The following ACOX3 variants were observed in gnomAD, a reference collection of about 807,000 sequenced individuals.
The protein encoded by ACOX3 is peroxisomal acyl-coenzyme A oxidase 3.
In ACOX3, 73 loss-of-function variants were observed where a neutral mutation model predicts 81.5. The observed-to-expected ratio is 0.90, with a 90% confidence interval of 0.74 to 1.09. The LOEUF is 1.09. Among genes scored for constraint, ACOX3 ranks in the 50% least tolerant of loss-of-function variants. The probability of loss-of-function intolerance (pLI) is 0.00; values close to 1 mark genes in which losing one functional copy is unlikely to be tolerated. For synonymous variants in ACOX3, 387 were observed against 375.1 expected (o/e 1.03, Z -0.37); for missense variants, 947 against 928.0 (o/e 1.02, Z -0.27).
At chr4:8,413,633 C>T (rs966075647) in intron 5 of ACOX3, among the ~76,000 whole-genome samples, 25 of 150,022 alleles carry the variant, frequency 1.7e-4, no homozygotes, top group Non-Finnish European at 3.4e-4. Context: ...CATCTCCCTC[C>T]ACCCCTCCAC....
Position 8,399,732 on chromosome 4 carries a change from C to T in ACOX3, c.777-80G>A. 1 of 1,259,820 alleles carries T rather than the reference C, an allele frequency of 7.9e-7. No homozygotes were observed. Among genetic ancestry groups the T allele is most frequent in the South Asian group, 1.2e-5 (1 of 80,960 alleles). The allele number at this position is 1,259,820 out of a possible 1,614,324, so 78.0% of individuals were successfully genotyped here. On this transcript the variant is annotated intron_variant, in intron 7 of 17. Coordinates refer to ENST00000356406, the MANE Select transcript of ACOX3 (RefSeq NM_003501.3). This position sits in a 1 kb window ranked among gnomAD's most constrained non-coding sequence, Gnocchi z 4.9. ...CTCTTCTCCAAGGGCAGCCTAAAAG[C>T]TGATGCAATCCCCGAGGACAAAGAA...
In ACOX3 at chr4:8,416,430, C is replaced by A. The variant is rs759287029; in HGVS notation, c.92G>T (p.Ser31Ile). ...LDAYRARASF[S>I]WKELALFTEG... ...CGTGAACAGCGCCAGCTCCTTCCAG[C>A]TGAAGGACGCTCTTGCTCGGTAGGC... Residue 31 changes from serine to isoleucine, a missense_variant, in exon 2 of 18, where the codon AGC (serine) becomes ATC (isoleucine). Coordinates refer to ENST00000356406, the MANE Select transcript of ACOX3 (RefSeq NM_003501.3). This position sits in a 1 kb window ranked among gnomAD's most constrained non-coding sequence, Gnocchi z 4.2. 1.9e-6 allele frequency: 3 copies of A among 1,614,100 alleles called. No individual in the cohort carries two copies. The Admixed American group carries it at 5.0e-5, about 27-fold the overall frequency.
chr4:8,390,200 G>A (rs985651787), intron 11 of ACOX3, among the ~76,000 whole-genome samples: 1 of 152,130 alleles, frequency 6.6e-6, no homozygotes, highest in Admixed American at 6.5e-5. Context: ...AAATTAGCTG[G>A]GCATAGTGGC....
At chr4:8,356,631 GAGGA>G in the ACOX3 span, 1 of 455,978 alleles carries the variant, frequency 2.2e-6, no homozygotes. Context: ...CGGCAGGTGA[GAGGA>G]AGAAAGTGTG....
Position 8,366,717 on chromosome 4 carries a change from T to C in ACOX3, c.*244A>G, listed in dbSNP as rs1715488763. ...ATCAAAAAACCCACGGCGCATCAGG[T>C]AGACATGATCATCTGCATTTCTTTT... On this transcript the variant is annotated 3_prime_UTR_variant, in exon 18 of 18. Coordinates refer to ENST00000356406, the MANE Select transcript of ACOX3 (RefSeq NM_003501.3). 1 of 400,676 alleles carries C rather than the reference T, an allele frequency of 2.5e-6. No homozygotes were observed. The highest frequency in any genetic ancestry group is 3.9e-5 in the Admixed American group (1 of 25,452). 24.8% of individuals were successfully genotyped at this position (400,676 alleles called of 1,614,324 possible). A position where few individuals can be genotyped will look rare whatever the true frequency, so the allele number is the denominator to read the frequency against.
intron 1 of ACOX3, among the ~76,000 whole-genome samples, chr4:8,434,157 A>G (rs1260785763): frequency 6.6e-6 from 1 of 152,182 alleles, no homozygotes; most frequent in African/African-American, 2.4e-5. Context: ...CTGTTCTGTT[A>G]GCTGATCCAT....
At position 8,414,884 on chromosome 4, in the gene ACOX3, G is replaced by A; in HGVS notation, c.423C>T (p.Leu141=). 1.2e-6 allele frequency: 2 copies of A among 1,614,192 alleles called. No homozygotes were observed. Among genetic ancestry groups the A allele is most frequent in the Non-Finnish European group, 8.5e-7 (1 of 1,180,040 alleles). ...AVYSSGSERH[L]TYIQKIFRME... ...TCCTGAAGATCTTTTGAATATATGT[G>A]AGATGTCTTTCAGAACCAGAACTGT... The change falls in exon 4 of 18, where the codon CTC becomes CTT. Residue 141 remains leucine (L), a synonymous_variant. Transcript: ENST00000356406. This position sits in a 1 kb window ranked among gnomAD's most constrained non-coding sequence, Gnocchi z 6.1.
chr4:8,387,534 A>G (rs1718459701), intron 13 of ACOX3, among the ~76,000 whole-genome samples: 1 of 152,190 alleles, frequency 6.6e-6, no homozygotes, highest in Non-Finnish European at 1.5e-5. Flanking sequence ...TTCACTAAAT[A>G]CTGCTGAGTG....
chr4:8,381,180 G>A lies in ACOX3; in HGVS notation c.1653+312C>T, dbSNP rs965949676. 3.3e-5 allele frequency among the ~76,000 whole-genome samples: 5 copies of A among 152,292 alleles called. No individual in the cohort carries two copies. The highest frequency in any genetic ancestry group is 3.9e-4 in the East Asian group (2 of 5,172). ...AGGGAGTGCTCTGAGTGCCCGCAAT[G>A]GTGTCTCCGCCACTCTGTGCATCCA... On this transcript the variant is annotated intron_variant, in intron 14 of 17. Coordinates refer to ENST00000356406, the MANE Select transcript of ACOX3 (RefSeq NM_003501.3). The surrounding 1 kb of genome is among the most constrained non-coding windows in gnomAD (Gnocchi z 4.3).
At chr4:8,421,487 T>A (rs1012801286) in intron 1 of ACOX3, among the ~76,000 whole-genome samples, 1 of 152,208 alleles carries the variant, frequency 6.6e-6, no homozygotes, top group Admixed American at 6.5e-5. Flanking sequence ...TACTCAACAG[T>A]TGCCCATGCG....
rs565930405 is a variant in ACOX3, at chr4:8,368,449, C to T, written c.1984-1369G>A. The stretch of plus-strand genomic sequence containing the variant: ...GGTGGTCTATTGTGTATCCAGCTTA[C>T]GCTGACCCATTTTATTGAGAAGAAA... On this transcript the variant is annotated intron_variant, in intron 17 of 17. Coordinates refer to ENST00000356406, the MANE Select transcript of ACOX3 (RefSeq NM_003501.3). The surrounding 1 kb of genome is among the most constrained non-coding windows in gnomAD (Gnocchi z 5.9). Among the ~76,000 whole-genome samples the T allele has an allele frequency of 6.6e-5, 10 of 152,350 alleles. No homozygotes were observed. The highest frequency in any genetic ancestry group is 1.9e-4 in the East Asian group (1 of 5,184).
At chr4:8,412,772 C>G (rs565020093) in intron 5 of ACOX3, among the ~76,000 whole-genome samples, 1 of 151,978 alleles carries the variant, frequency 6.6e-6, no homozygotes, top group Non-Finnish European at 1.5e-5. Flanking sequence ...GGCCAGGGAA[C>G]AGAACAGGGT....
rs1395372204 is a variant in ACOX3 at position 8,384,631 on chromosome 4, C to A, written c.1538-3024G>T. On this transcript the variant is annotated intron_variant, in intron 13 of 17. Transcript: ENST00000356406. The surrounding 1 kb of genome is among the most constrained non-coding windows in gnomAD (Gnocchi z 5.3). ...TGACTGCCCCTCGATCTGCCCCCTCCCCAGCTGGGGCTCTGTCCTTGACCC... is the reference window on the plus strand; with the variant it reads ...TGACTGCCCCTCGATCTGCCCCCTCACCAGCTGGGGCTCTGTCCTTGACCC... Among the ~76,000 whole-genome samples, 1 of 152,182 alleles carries A rather than the reference C, an allele frequency of 6.6e-6. No homozygotes were observed. The highest frequency in any genetic ancestry group is 1.5e-5 in the Non-Finnish European group (1 of 68,034).
chr4:8,414,978 T>G lies in ACOX3; in HGVS notation c.379-50A>C, dbSNP rs1303817935. ...AACAGGGGGCAGGTAAGAAGAGTAC[T>G]GCTCTTCCGGAACATCACAACAGAC... On this transcript the variant is annotated intron_variant, in intron 3 of 17. Coordinates refer to ENST00000356406, the MANE Select transcript of ACOX3 (RefSeq NM_003501.3). The surrounding 1 kb of genome is among the most constrained non-coding windows in gnomAD (Gnocchi z 6.1). The G allele has an allele frequency of 1.3e-6, 2 of 1,536,772 alleles. No individual in the cohort carries two copies. The highest frequency in any genetic ancestry group is 9.0e-7 in the Non-Finnish European group (1 of 1,109,732).
the ACOX3 span, chr4:8,357,136 C>A: frequency 2.2e-6 from 1 of 456,160 alleles, no homozygotes; most frequent in South Asian, 1.5e-5. Context: ...AAGATGATCC[C>A]GGCAGGTGAG....
chr4:8,411,584 T>G (rs1306840771), intron 5 of ACOX3, among the ~76,000 whole-genome samples: 1 of 152,116 alleles, frequency 6.6e-6, no homozygotes, highest in Non-Finnish European at 1.5e-5. Flanking sequence ...TGTCACTCAT[T>G]CTCCGCAGTG....
chr4:8,372,937 C>T (rs904412235), intron 16 of ACOX3, among the ~76,000 whole-genome samples: 1 of 152,220 alleles, frequency 6.6e-6, no homozygotes, highest in Non-Finnish European at 1.5e-5. Context: ...GACCCTCACT[C>T]ACACAGCCGC....
intron 7 of ACOX3, among the ~76,000 whole-genome samples, chr4:8,401,505 C>G (rs1161390316): frequency 6.6e-6 from 1 of 152,164 alleles, no homozygotes; most frequent in Non-Finnish European, 1.5e-5. Context: ...GGACCCAGCA[C>G]CTCCATCCCT....
At position 8,389,485 on chromosome 4, in the gene ACOX3, A is replaced by G. The variant is rs1718704986; in HGVS notation, c.1423+127T>C. 6.7e-7 allele frequency: 1 copy of G among 1,498,606 alleles called. No individual in the cohort carries two copies. Among genetic ancestry groups the G allele is most frequent in the South Asian group, 1.2e-5 (1 of 81,616 alleles). 92.8% of individuals were successfully genotyped at this position (1,498,606 alleles called of 1,614,324 possible). On this transcript the variant is annotated intron_variant, in intron 12 of 17. Coordinates refer to ENST00000356406, the MANE Select transcript of ACOX3 (RefSeq NM_003501.3). The surrounding 1 kb of genome is among the most constrained non-coding windows in gnomAD (Gnocchi z 5.3). ...TTGGGGAGTTGGTCGGCACTATCTA[A>G]TAACATTTCTTTCCTTCTGCAAACC...
Sources: allele counts gnomAD v4.1 joint callset (sites outside exome capture counted in the v4.1 genomes callset), GRCh38; gene constraint gnomAD v4.1.1; non-coding constraint Gnocchi (gnomAD v3.1); transcripts MANE v1.5; gene names NCBI Gene and HGNC (gene_info 2026-07-23, HGNC 2026-07-21).